The following NKAIN1 variants were observed in gnomAD, a reference collection of about 807,000 sequenced individuals.
The protein encoded by NKAIN1 is sodium/potassium transporting ATPase interacting 1.
In NKAIN1, 13 loss-of-function variants were observed where a neutral mutation model predicts 31.6. The ratio of observed to expected loss-of-function variants is 0.41; its 90% CI spans 0.27 to 0.65. NKAIN1 has a LOEUF of 0.65. Ranked by LOEUF, NKAIN1 falls within the 30% of genes least tolerant of loss-of-function variation. The pLI is 0.30. For missense variants in NKAIN1, 193 were observed against 262.2 expected (o/e 0.74, Z 1.82); for synonymous variants, 104 against 109.0 (o/e 0.95, Z 0.28).
In NKAIN1 at chr1:31,225,033, C is replaced by CTTTTCTTTT. The variant is rs542671307; in HGVS notation, c.54+14460_54+14461insAAAAGAAAA. On this transcript the variant is annotated intron_variant, in intron 1 of 6. Coordinates refer to ENST00000373736, the MANE Select transcript of NKAIN1 (RefSeq NM_024522.3). Reference sequence around the variant, plus strand: ...AGCCCATTTCTTTTTCTTTTCTTTTCTTTTTTTTTTTTTGAGACGGACTCT... The same window carrying CTTTTCTTTT: ...AGCCCATTTCTTTTTCTTTTCTTTTCTTTTCTTTTTTTTTTTTTTTTTGAGACGGACTCT... 6.5e-4 allele frequency among the ~76,000 whole-genome samples: 73 copies of CTTTTCTTTT among 112,136 alleles called. 6 individuals carry two copies. In the South Asian group the frequency reaches 0.018, roughly 28 times the overall value. The allele number at this position is 112,136 out of a possible 152,430, so 73.6% of individuals were successfully genotyped here.
chr1:31,193,071 AT>A (rs1466966425), intron 1 of NKAIN1, among the ~76,000 whole-genome samples: 2 of 145,870 alleles, frequency 1.4e-5, no homozygotes, highest in Admixed American at 1.4e-4. Flanking sequence ...TTATTTTTTT[AT>A]TTTTTTATTT....
At chr1:31,203,466 C>T (rs942558707) in intron 1 of NKAIN1, among the ~76,000 whole-genome samples, 1 of 151,796 alleles carries the variant, frequency 6.6e-6, no homozygotes, top group African/African-American at 2.4e-5. Context: ...GCTGTTTTCA[C>T]GCATAACAAC....
rs2124159934 is a variant in NKAIN1, at chr1:31,181,916, G to A, written c.558C>T (p.Ser186=). 6.2e-7 allele frequency: 1 copy of A among 1,607,318 alleles called. No individual in the cohort carries two copies. The highest frequency in any genetic ancestry group is 2.2e-5 in the East Asian group (1 of 44,704). ...DSFDFIGGFD[S]YGYQAPQKTS... ...TCTTCTGGGGCGCCTGGTATCCGTA[G>A]GAGTCAAAGCCGCCGATGAAGTCAA... The change falls in exon 6 of 7, where the codon TCC becomes TCT. Residue 186 remains serine (S), a synonymous_variant. Transcript: ENST00000373736.
chr1:31,223,375 C>CAAA (rs746638007), intron 1 of NKAIN1, among the ~76,000 whole-genome samples: 12 of 106,628 alleles, frequency 1.1e-4, no homozygotes, highest in Admixed American at 6.1e-4. Context: ...GACTCCATCT[C>CAAA]AAAAAAAAAA....
At chr1:31,206,237 A>AAAATAAATAAATAAATAAATAAT (rs370910970) in intron 1 of NKAIN1, among the ~76,000 whole-genome samples, 4,710 of 130,802 alleles carry the variant, frequency 0.036, 240 homozygotes, top group East Asian at 0.11. Context: ...CTCCATCTCA[A>AAAATAAATAAATAAATAAATAAT]AAATAAATAA....
intron 4 of NKAIN1, among the ~76,000 whole-genome samples, chr1:31,183,436 C>CTTT (rs3046278): frequency 0.033 from 3,482 of 105,680 alleles, 259 homozygotes; most frequent in African/African-American, 0.05. Flanking sequence ...TTCATTCCCT[C>CTTT]TTTTTTTTTT....
At chr1:31,214,948 A>G (rs889731574) in intron 1 of NKAIN1, among the ~76,000 whole-genome samples, 7 of 152,204 alleles carry the variant, frequency 4.6e-5, no homozygotes, top group Non-Finnish European at 7.3e-5. Context: ...GGCGCCCCCT[A>G]GGGCCAAACA....
chr1:31,225,473 C>T (rs1645596852), intron 1 of NKAIN1, among the ~76,000 whole-genome samples: 1 of 151,762 alleles, frequency 6.6e-6, no homozygotes, highest in South Asian at 2.1e-4. Flanking sequence ...GGACTACAGG[C>T]ACCCACCGAC....
chr1:31,192,475 C>G (rs1436993882), intron 1 of NKAIN1, among the ~76,000 whole-genome samples: 1 of 152,156 alleles, frequency 6.6e-6, no homozygotes, highest in African/African-American at 2.4e-5. Context: ...GAAATCAGTA[C>G]AAACCGGGGT....
intron 1 of NKAIN1, among the ~76,000 whole-genome samples, chr1:31,204,382 C>T (rs1253311851): frequency 6.6e-6 from 1 of 152,132 alleles, no homozygotes; most frequent in Non-Finnish European, 1.5e-5. Context: ...CCAGAATCCT[C>T]CATGCCTGAG....
In NKAIN1 at chr1:31,180,575, C is replaced by T. The variant is rs916186733; in HGVS notation, c.*1128G>A. On this transcript the variant is annotated 3_prime_UTR_variant, in exon 7 of 7. Coordinates refer to ENST00000373736, the MANE Select transcript of NKAIN1 (RefSeq NM_024522.3). Reference sequence around the variant, plus strand: ...CTGGAGTCTGGGCAGCGCTGACCAGCATTGCTCCTCTCTGAAACCACAAGC... The same window carrying T: ...CTGGAGTCTGGGCAGCGCTGACCAGTATTGCTCCTCTCTGAAACCACAAGC... The T allele has an allele frequency of 6.6e-6, 1 of 152,424 alleles. No homozygotes were observed. Among genetic ancestry groups the T allele is most frequent in the African/African-American group, 2.4e-5 (1 of 41,450 alleles). The allele number at this position is 152,424 out of a possible 1,614,324, so 9.4% of individuals were successfully genotyped here.
At chr1:31,232,396 CATATATATATATAT>C (rs371123492) in intron 1 of NKAIN1, among the ~76,000 whole-genome samples, 126 of 6,410 alleles carry the variant, frequency 0.02, 12 homozygotes, top group African/African-American at 0.029. Context: ...TGGCCTACTT[CATATATATATATAT>C]ATATATATAT....
intron 1 of NKAIN1, among the ~76,000 whole-genome samples, chr1:31,205,755 T>C (rs560896158): frequency 6.6e-6 from 1 of 150,942 alleles, no homozygotes; most frequent in Non-Finnish European, 1.5e-5. Flanking sequence ...CCCAAGTAGC[T>C]GGGATTACAG....
At position 31,211,035 on chromosome 1, in the gene NKAIN1, G is replaced by A. The variant is rs1645464794; in HGVS notation, c.55-22848C>T. On this transcript the variant is annotated intron_variant, in intron 1 of 6. Transcript: ENST00000373736. ...CCTGGTGAAGGGCATCTACAGAAAAGCCACAGCCGACATCATACTTAACGG... is the reference window on the plus strand; with the variant it reads ...CCTGGTGAAGGGCATCTACAGAAAAACCACAGCCGACATCATACTTAACGG... 2.0e-5 allele frequency among the ~76,000 whole-genome samples: 3 copies of A among 152,286 alleles called. No homozygotes were observed. The South Asian group carries it at 6.2e-4, about 32-fold the overall frequency.
rs183427840 is a variant in NKAIN1, at chr1:31,184,380, A to G, written c.274-366T>C. 6.2e-3 allele frequency among the ~76,000 whole-genome samples: 950 copies of G among 152,210 alleles called. 8 individuals carry two copies. The highest frequency in any genetic ancestry group is 0.021 in the African/African-American group (876 of 41,524). On this transcript the variant is annotated intron_variant, in intron 3 of 6. Transcript: ENST00000373736. ...TCTCCTTTGGGGCCTTGGTCTCCAC[A>G]TTTGTTAAATGGAGAAGGGGCTGGC...
intron 1 of NKAIN1, among the ~76,000 whole-genome samples, chr1:31,222,540 G>A (rs1645572164): frequency 6.6e-6 from 1 of 152,174 alleles, no homozygotes; most frequent in South Asian, 2.1e-4. Context: ...CCAGTGGTGG[G>A]GCTCTCCCAT....
At chr1:31,212,599 G>C (rs1645478959) in intron 1 of NKAIN1, among the ~76,000 whole-genome samples, 1 of 152,030 alleles carries the variant, frequency 6.6e-6, no homozygotes, top group African/African-American at 2.4e-5. Context: ...GAGACAGGGT[G>C]TCACCATGTT....
chr1:31,189,728 C>A (rs183811614), intron 1 of NKAIN1, among the ~76,000 whole-genome samples: 1 of 152,330 alleles, frequency 6.6e-6, no homozygotes, highest in East Asian at 1.9e-4. Context: ...GCCAAATAAT[C>A]AAAGACAATG....
chr1:31,208,393 A>G (rs1645440278), intron 1 of NKAIN1, among the ~76,000 whole-genome samples: 1 of 152,150 alleles, frequency 6.6e-6, no homozygotes, highest in African/African-American at 2.4e-5. Context: ...CCTCTGCTGC[A>G]GCTTTCTCAT....
Sources: gnomAD v4.1 joint callset for allele counts (sites outside exome capture counted in the v4.1 genomes callset) on GRCh38, gnomAD v4.1.1 for gene constraint, MANE v1.5 for transcripts, NCBI Gene and HGNC (gene_info 2026-07-23, HGNC 2026-07-21) for gene names.